Variants in PDZD2 observed in about 807,000 individuals in gnomAD.
PDZD2 encodes PDZ domain containing 2, also known as PDZ domain-containing protein 2.
PDZD2 carries 90 observed loss-of-function variants against 220.7 expected under a neutral mutation model. The ratio of observed to expected loss-of-function variants is 0.41; its 90% CI spans 0.34 to 0.49. The LOEUF is 0.49. Among genes scored for constraint, PDZD2 ranks in the 20% least tolerant of loss-of-function variants. The probability of loss-of-function intolerance (pLI) is 0.28; values close to 1 mark genes in which losing one functional copy is unlikely to be tolerated. For synonymous variants in PDZD2, 1,375 were observed against 1,450.5 expected, an observed-to-expected ratio of 0.95 and a Z score of 1.18; for missense variants, 3,174 against 3,608.5, an observed-to-expected ratio of 0.88 and a Z score of 3.08.
At chr5:31,648,908 G>A (rs945985363) in intron 1 of PDZD2, among the ~76,000 whole-genome samples, 1 of 152,014 alleles carries the variant, frequency 6.6e-6, no homozygotes. Context: ...TTGGATAAAT[G>A]TATAATGTCA....
chr5:31,867,176 C>T (rs916277904), intron 2 of PDZD2, among the ~76,000 whole-genome samples: 1 of 152,158 alleles, frequency 6.6e-6, no homozygotes, highest in Non-Finnish European at 1.5e-5. Flanking sequence ...TTATTGCTTC[C>T]CTCTGGCTGC....
chr5:31,668,073 G>C (rs1474727226), intron 1 of PDZD2, among the ~76,000 whole-genome samples: 1 of 151,982 alleles, frequency 6.6e-6, no homozygotes, highest in African/African-American at 2.4e-5. Flanking sequence ...ATATTGGCCA[G>C]GCTGGTCTTG....
At chr5:32,091,220 T>A in intron 20 of PDZD2, 45 bp downstream of exon 20, 5 of 1,420,650 alleles carry the variant, frequency 3.5e-6, no homozygotes, top group Non-Finnish European at 4.7e-6. Flanking sequence ...ACTTGTTTCA[T>A]TTTGGAATAG....
intron 5 of PDZD2, among the ~76,000 whole-genome samples, chr5:32,005,451 C>T (rs909827896): frequency 7.2e-6 from 1 of 138,362 alleles, no homozygotes; most frequent in Non-Finnish European, 1.6e-5. Flanking sequence ...ATCTCTTGCT[C>T]GCTTTTTTGC....
rs145412314 is a variant in PDZD2, at chr5:31,679,167, T to A, written c.-361+39730T>A. ...GTGGGAGACACTTCTCAGGGTGTTA[T>A]CTTCATAGTAAGATGAATTGACAGG... On this transcript the variant is annotated intron_variant, in intron 1 of 24. Transcript: ENST00000438447. 3.2e-3 allele frequency among the ~76,000 whole-genome samples: 484 copies of A among 152,384 alleles called. 3 individuals are homozygous for A. Among genetic ancestry groups the A allele is most frequent in the African/African-American group, 0.011 (461 of 41,592 alleles).
rs115463254 is a variant in PDZD2, at chr5:31,860,331, C to G, written c.476+60607C>G. Among the ~76,000 whole-genome samples, 1,218 of 152,232 alleles carry G rather than the reference C, an allele frequency of 8.0e-3. 18 individuals are homozygous for G. The highest frequency in any genetic ancestry group is 0.028 in the African/African-American group (1,154 of 41,526). On this transcript the variant is annotated intron_variant, in intron 2 of 24. Transcript: ENST00000438447. Reference sequence around the variant, plus strand: ...TGCATGTTGCCCCCAATTCCAGAGGCGCTCTAGGGCATAAATCCCAAACTG... The same window carrying G: ...TGCATGTTGCCCCCAATTCCAGAGGGGCTCTAGGGCATAAATCCCAAACTG...
At chr5:31,804,966 G>A (rs559806002) in intron 2 of PDZD2, among the ~76,000 whole-genome samples, 98 of 152,340 alleles carry the variant, frequency 6.4e-4, no homozygotes, top group Non-Finnish European at 1.1e-3. Flanking sequence ...GGCCGAGGCG[G>A]GTTGGTCAGC....
intron 6 of PDZD2, among the ~76,000 whole-genome samples, chr5:32,017,136 A>G (rs76467553): frequency 0.018 from 2,759 of 152,274 alleles, 39 homozygotes; most frequent in South Asian, 0.029. Flanking sequence ...CCAGCATACC[A>G]TGAATTTAAA....
intron 2 of PDZD2, chr5:31,847,604 G>T: frequency 1.5e-6 from 1 of 652,898 alleles, no homozygotes; most frequent in South Asian, 1.4e-5. Context: ...AGTAGGTTTG[G>T]CATGGGCAAG....
chr5:32,076,288 G>GAAAAAAAAAAAAAAAAAAAAAAA (rs67898034), intron 18 of PDZD2, among the ~76,000 whole-genome samples: 2 of 87,932 alleles, frequency 2.3e-5, no homozygotes, highest in Non-Finnish European at 4.5e-5. Context: ...TCGGTCTCAA[G>GAAAAAAAAAAAAAAAAAAAAAAA]AAAAAAAAAA....
intron 1 of PDZD2, among the ~76,000 whole-genome samples, chr5:31,739,183 G>C: frequency 6.6e-6 from 1 of 152,300 alleles, no homozygotes; most frequent in South Asian, 2.1e-4. Flanking sequence ...ACCACACCGG[G>C]CCAAATATGC....
At chr5:32,063,198 C>G (rs921222990) in intron 14 of PDZD2, among the ~76,000 whole-genome samples, 1 of 151,902 alleles carries the variant, frequency 6.6e-6, no homozygotes, top group African/African-American at 2.4e-5. Context: ...GCATGCGCCA[C>G]CATGCCCAGC....
At chr5:31,694,701 A>G (rs764732963) in intron 1 of PDZD2, among the ~76,000 whole-genome samples, 1 of 150,310 alleles carries the variant, frequency 6.7e-6, no homozygotes, top group Non-Finnish European at 1.5e-5. Context: ...TCCAGTCCCT[A>G]TACAGGCTGG....
intron 1 of PDZD2, among the ~76,000 whole-genome samples, chr5:31,672,318 C>G (rs911125025): frequency 3.3e-5 from 5 of 152,144 alleles, no homozygotes; most frequent in Admixed American, 3.3e-4. Flanking sequence ...CTGCTACAGC[C>G]AATTGGTGGG....
intron 2 of PDZD2, among the ~76,000 whole-genome samples, chr5:31,886,260 A>G (rs1417726405): frequency 6.6e-6 from 1 of 152,178 alleles, no homozygotes; most frequent in African/African-American, 2.4e-5. Context: ...TTCCACAATT[A>G]ACAATGCATT....
chr5:32,003,619 G>T (rs1752570166), intron 5 of PDZD2, among the ~76,000 whole-genome samples: 1 of 152,204 alleles, frequency 6.6e-6, no homozygotes, highest in African/African-American at 2.4e-5. Flanking sequence ...AAGAACATGG[G>T]TTTCTGCACG....
intron 1 of PDZD2, among the ~76,000 whole-genome samples, chr5:31,688,187 A>G (rs1210264215): frequency 1.3e-5 from 2 of 152,190 alleles, no homozygotes; most frequent in African/African-American, 4.8e-5. Context: ...AAGATGATAA[A>G]TGGCCTCAGG....
chr5:32,098,703 T>C lies in PDZD2; in HGVS notation c.8218+69T>C. 1 of 1,414,714 alleles carries C rather than the reference T, an allele frequency of 7.1e-7. No individual in the cohort carries two copies. The highest frequency in any genetic ancestry group is 2.5e-4 in the Middle Eastern group (1 of 4,024). 87.6% of individuals were successfully genotyped at this position (1,414,714 alleles called of 1,614,324 possible). On this transcript the variant is annotated intron_variant, in intron 23 of 24. Transcript: ENST00000438447. The surrounding 1 kb of genome is among the most constrained non-coding windows in gnomAD (Gnocchi z 4.1). ...AGAAAGAGGAGATTCTGGTTGAACA[T>C]GAAGGAAAATAACAGCTAACTAACT... is the stretch of plus-strand genomic sequence containing the variant.
chr5:32,050,122 G>A (rs1198408393), intron 8 of PDZD2, among the ~76,000 whole-genome samples: 1 of 152,024 alleles, frequency 6.6e-6, no homozygotes, highest in Non-Finnish European at 1.5e-5. Flanking sequence ...GTAGAGACGG[G>A]GTTTCATCAT....
Sources: gnomAD v4.1 joint callset for allele counts (sites outside exome capture counted in the v4.1 genomes callset) on GRCh38, gnomAD v4.1.1 for gene constraint, Gnocchi (gnomAD v3.1) non-coding constraint, MANE v1.5 for transcripts, NCBI Gene and HGNC (gene_info 2026-07-23, HGNC 2026-07-21) for gene names.